Variants in MAN2A1 observed in about 807,000 individuals in gnomAD.
MAN2A1 encodes the protein mannosidase alpha class 2A member 1.
Under a neutral mutation model 142.6 loss-of-function variants are expected in MAN2A1, and 76 were observed. The observed-to-expected ratio is 0.53, with a 90% CI of 0.44 to 0.65. The LOEUF (loss-of-function observed/expected upper bound fraction) is 0.65. Ranked by LOEUF, MAN2A1 falls within the 30% of genes least tolerant of loss-of-function variation. The probability of loss-of-function intolerance (pLI) is 0.00; values close to 1 mark genes in which losing one functional copy is unlikely to be tolerated. For missense variants in MAN2A1, 1,311 were observed against 1,365.1 expected (o/e 0.96, Z 0.62); for synonymous variants, 559 against 473.2 (o/e 1.18, Z -2.35).
At chr5:109,816,618 A>T (rs1754468051) in intron 12 of MAN2A1, among the ~76,000 whole-genome samples, 2 of 152,200 alleles carry the variant, frequency 1.3e-5, no homozygotes, top group Non-Finnish European at 2.9e-5. Flanking sequence ...GTCTAAAATG[A>T]ATATTAGATT....
intron 4 of MAN2A1, among the ~76,000 whole-genome samples, chr5:109,745,475 A>C (rs895892686): frequency 6.6e-6 from 1 of 152,058 alleles, no homozygotes; most frequent in Admixed American, 6.5e-5. Context: ...CGTCTTTCAC[A>C]TTTTTCAACT....
intron 1 of MAN2A1, among the ~76,000 whole-genome samples, chr5:109,708,545 C>CACACACAA (rs747650468): frequency 6.6e-6 from 1 of 151,362 alleles, no homozygotes; most frequent in Admixed American, 6.6e-5. Context: ...CACACACACA[C>CACACACAA]ATGAGAAGGG....
chr5:109,770,335 G>A lies in MAN2A1; in HGVS notation c.1010-20G>A. The stretch of plus-strand genomic sequence containing the variant: ...ACAGATTTTATAAATGCAGGTTTGT[G>A]TGTTGGCTCTTTATTTTAGATCTGG... On this transcript the variant is annotated intron_variant, in intron 6 of 21. Transcript: ENST00000261483. 2 of 1,604,216 alleles carry A rather than the reference G, an allele frequency of 1.2e-6. No homozygotes were observed. The highest frequency in any genetic ancestry group is 1.4e-5 in the African/African-American group (1 of 74,050).
intron 3 of MAN2A1, among the ~76,000 whole-genome samples, chr5:109,720,482 A>G (rs1313529006): frequency 6.6e-6 from 1 of 152,242 alleles, no homozygotes; most frequent in Non-Finnish European, 1.5e-5. Flanking sequence ...ACATGAGGAA[A>G]TCAGTGTAAT....
At chr5:109,707,519 A>G (rs969253292) in intron 1 of MAN2A1, among the ~76,000 whole-genome samples, 2 of 152,182 alleles carry the variant, frequency 1.3e-5, no homozygotes, top group Non-Finnish European at 2.9e-5. Flanking sequence ...AGTGAGGAAA[A>G]GAGGGAAGCA....
chr5:109,824,533 C>G (rs1203702516), intron 16 of MAN2A1, among the ~76,000 whole-genome samples: 1 of 152,098 alleles, frequency 6.6e-6, no homozygotes, highest in East Asian at 1.9e-4. Flanking sequence ...CAGATTTAAT[C>G]CTAATAACCA....
intron 8 of MAN2A1, among the ~76,000 whole-genome samples, chr5:109,780,338 C>T (rs1306608827): frequency 4.6e-5 from 7 of 152,042 alleles, no homozygotes; most frequent in African/African-American, 1.4e-4. Flanking sequence ...GGATTACAGG[C>T]GTGAGCCACC....
rs557343260 is a variant in MAN2A1 at position 109,774,229 on chromosome 5, T to C, written c.1197-559T>C. Among the ~76,000 whole-genome samples the C allele has an allele frequency of 2.6e-5, 4 of 152,290 alleles. No individual in the cohort carries two copies. In the South Asian group the frequency reaches 8.3e-4, roughly 32 times the overall value. ...GGTGACAAGTGTGTGGATTTTTTTTTCTTTAGAAGAGGAAATATGACTCTA... is the reference window on the plus strand; with the variant it reads ...GGTGACAAGTGTGTGGATTTTTTTTCCTTTAGAAGAGGAAATATGACTCTA... On this transcript the variant is annotated intron_variant, in intron 7 of 21. Transcript: ENST00000261483.
Position 109,847,681 on chromosome 5 carries a change from G to A in MAN2A1, c.2867G>A (p.Arg956Gln). The A allele has an allele frequency of 6.3e-7, 1 of 1,580,768 alleles. No individual in the cohort carries two copies. Among genetic ancestry groups the A allele is most frequent in the Non-Finnish European group, 8.6e-7 (1 of 1,163,838 alleles). The change falls in exon 19 of 22, where the codon CGA becomes CAA. Residue 956 changes from arginine (R) to glutamine (Q), a missense_variant. By Grantham distance (43) the Arg-to-Gln change is conservative. Coordinates refer to ENST00000261483, the MANE Select transcript of MAN2A1 (RefSeq NM_002372.4). ...GGTCAGATTGAAGTTATCATGGATC[G>A]AAGACTCATGCAAGATGATAATCGT... Reference protein sequence around the residue: ...NSGQIEVIMDRRLMQDDNRGL... With the variant: ...NSGQIEVIMDQRLMQDDNRGL...
intron 3 of MAN2A1, among the ~76,000 whole-genome samples, chr5:109,724,840 A>T (rs1161589433): frequency 6.6e-6 from 1 of 152,204 alleles, no homozygotes; most frequent in Admixed American, 6.5e-5. Context: ...AAACTTAAAG[A>T]TAATGGACAA....
At chr5:109,790,579 G>T (rs1753713088) in intron 12 of MAN2A1, among the ~76,000 whole-genome samples, 1 of 151,940 alleles carries the variant, frequency 6.6e-6, no homozygotes. Context: ...GACACTGAAA[G>T]AAATATTTCT....
rs1755379995 is a variant in MAN2A1, at chr5:109,847,778, T to C, written c.2964T>C (p.Ser988=). 6.3e-7 allele frequency: 1 copy of C among 1,585,448 alleles called. No homozygotes were observed. The highest frequency in any genetic ancestry group is 1.4e-5 in the African/African-American group (1 of 73,780). The change falls in exon 19 of 22, where the codon AGT becomes AGC. Residue 988 remains serine (S), a synonymous_variant. Transcript: ENST00000261483. ...NLFRILLEKR[S]AVNTEEEKKS... ...TTCGAATACTACTAGAAAAAAGAAGTGCTGTTAATACGGTATGAAAAAATA... is the reference window on the plus strand; with the variant it reads ...TTCGAATACTACTAGAAAAAAGAAGCGCTGTTAATACGGTATGAAAAAATA...
At chr5:109,756,178 T>C (rs529403185) in intron 5 of MAN2A1, among the ~76,000 whole-genome samples, 19 of 152,178 alleles carry the variant, frequency 1.2e-4, no homozygotes, top group Admixed American at 7.9e-4. Flanking sequence ...TGAGAATGGG[T>C]CCTCCATATG....
intron 13 of MAN2A1, among the ~76,000 whole-genome samples, chr5:109,819,258 G>C (rs1465317090): frequency 1.3e-5 from 2 of 152,126 alleles, no homozygotes; most frequent in African/African-American, 2.4e-5. Flanking sequence ...ATTTTGGATA[G>C]GTTAGGTGTA....
At chr5:109,851,443 G>T (rs903343899) in intron 19 of MAN2A1, among the ~76,000 whole-genome samples, 4 of 152,150 alleles carry the variant, frequency 2.6e-5, no homozygotes, top group African/African-American at 9.7e-5. Flanking sequence ...CCTCATGAAT[G>T]AATTAATGCC....
intron 20 of MAN2A1, chr5:109,862,770 T>C (rs1755787636): frequency 6.6e-6 from 1 of 152,224 alleles, no homozygotes; most frequent in African/African-American, 2.4e-5. Flanking sequence ...GTATTTTTGC[T>C]TGAAAACTGA....
chr5:109,866,060 G>A (rs1580328406), intron 21 of MAN2A1, among the ~76,000 whole-genome samples: 1 of 152,146 alleles, frequency 6.6e-6, no homozygotes, highest in Non-Finnish European at 1.5e-5. Context: ...AATGTGGTAG[G>A]AGCCCTGAAC....
At chr5:109,708,023 T>G (rs1199409909) in intron 1 of MAN2A1, among the ~76,000 whole-genome samples, 2 of 149,932 alleles carry the variant, frequency 1.3e-5, no homozygotes, top group Non-Finnish European at 3.0e-5. Flanking sequence ...ATTTAAATCA[T>G]GGAGTGGATG....
chr5:109,859,668 C>G (rs1377388075), intron 20 of MAN2A1, among the ~76,000 whole-genome samples: 1 of 152,108 alleles, frequency 6.6e-6, no homozygotes, highest in Non-Finnish European at 1.5e-5. Context: ...GCCTTGTCAT[C>G]AGGAAAGGAC....
Sources: allele counts gnomAD v4.1 joint callset (sites outside exome capture counted in the v4.1 genomes callset), GRCh38; gene constraint gnomAD v4.1.1; transcripts MANE v1.5; gene names NCBI Gene and HGNC (gene_info 2026-07-23, HGNC 2026-07-21).